Variants in SPATA22 observed in about 807,000 individuals in gnomAD.
The protein encoded by SPATA22 is spermatogenesis-associated protein 22.
Under a neutral mutation model 47.8 loss-of-function variants are expected in SPATA22, and 29 were observed. The ratio of observed to expected loss-of-function variants is 0.61; its 90% CI spans 0.45 to 0.83. The LOEUF is 0.83. Ranked by LOEUF, SPATA22 falls within the 40% of genes least tolerant of loss-of-function variation. The probability of loss-of-function intolerance (pLI) is 0.00; values close to 1 mark genes in which losing one functional copy is unlikely to be tolerated. For synonymous variants in SPATA22, 133 were observed against 140.9 expected (o/e 0.94, Z 0.40); for missense variants, 410 against 421.7 (o/e 0.97, Z 0.24).
At chr17:3,472,813 T>C (rs2073464272), upstream of SPATA22, among the ~76,000 whole-genome samples, 1 of 152,164 alleles carries the variant, frequency 6.6e-6, no homozygotes, top group Non-Finnish European at 1.5e-5. Context: ...TTTAAAACTA[T>C]CTCAAGTAAA....
At chr17:3,471,658 G>T (rs2073439080) in intron 1 of SPATA22, 24 bp downstream of exon 1, 1 of 983,948 alleles carries the variant, frequency 1.0e-6, no homozygotes, top group Non-Finnish European at 1.2e-6. Flanking sequence ...CCCACGGAGT[G>T]GGGGCAGTTT....
intron 1 of SPATA22, among the ~76,000 whole-genome samples, chr17:3,510,011 T>C (rs1280294388): frequency 1.3e-5 from 2 of 152,128 alleles, no homozygotes; most frequent in Non-Finnish European, 2.9e-5. Flanking sequence ...TTTGATGGGG[T>C]TGTTTTTTTC....
chr17:3,508,897 TAAAAAAAAAAAAAA>T (rs59201485), intron 1 of SPATA22, among the ~76,000 whole-genome samples: 135 of 113,000 alleles, frequency 1.2e-3, no homozygotes, highest in Non-Finnish European at 1.8e-3. Flanking sequence ...GCTTAAAGTA[TAAAAAAAAAAAAAA>T]AAAAAAAAAA....
intron 5 of SPATA22, among the ~76,000 whole-genome samples, chr17:3,460,073 C>T (rs1321034800): frequency 1.3e-5 from 2 of 152,200 alleles, no homozygotes; most frequent in African/African-American, 4.8e-5. Flanking sequence ...ATTCCACACA[C>T]AAGCACGTTA....
chr17:3,440,704 A>G (rs2150689801), intron 8 of SPATA22: 1 of 160,524 alleles, frequency 6.2e-6, no homozygotes, highest in Non-Finnish European at 1.4e-5. Flanking sequence ...GACAATTAGG[A>G]TAGCTGGATG....
At chr17:3,464,833 C>T (rs1194071309) in intron 3 of SPATA22, among the ~76,000 whole-genome samples, 2 of 138,132 alleles carry the variant, frequency 1.4e-5, no homozygotes, top group Non-Finnish European at 3.2e-5. Flanking sequence ...GCAGCCACCC[C>T]GTCTGGGAAG....
At chr17:3,494,707 C>T (rs539118128) in intron 1 of SPATA22, among the ~76,000 whole-genome samples, 21 of 152,154 alleles carry the variant, frequency 1.4e-4, no homozygotes, top group African/African-American at 4.8e-4. Flanking sequence ...TGTAGGTACA[C>T]AAAAGTCTAA....
chr17:3,449,481 T>C (rs916345467), intron 5 of SPATA22, among the ~76,000 whole-genome samples: 4 of 152,220 alleles, frequency 2.6e-5, no homozygotes, highest in Non-Finnish European at 5.9e-5. Context: ...CTTCATATGA[T>C]AGTAGTTGTA....
At chr17:3,509,260 C>T (rs1481848233) in intron 1 of SPATA22, among the ~76,000 whole-genome samples, 3 of 151,832 alleles carry the variant, frequency 2.0e-5, no homozygotes, top group Non-Finnish European at 4.4e-5. Context: ...CATAGGTATA[C>T]GTGTGCCATG....
intron 1 of SPATA22, among the ~76,000 whole-genome samples, chr17:3,495,898 T>G (rs1597447119): frequency 6.8e-6 from 1 of 146,584 alleles, no homozygotes. Flanking sequence ...AGGTAAAGAC[T>G]GGGGGAGAGA....
chr17:3,507,632 G>C (rs2074053153), intron 1 of SPATA22, among the ~76,000 whole-genome samples: 1 of 152,186 alleles, frequency 6.6e-6, no homozygotes, highest in Non-Finnish European at 1.5e-5. Flanking sequence ...CAGGAGAAAG[G>C]ATTGTGAACT....
At chr17:3,497,479 T>C (rs1265299585) in intron 1 of SPATA22, among the ~76,000 whole-genome samples, 2 of 152,196 alleles carry the variant, frequency 1.3e-5, no homozygotes, top group African/African-American at 4.8e-5. Context: ...TCAGAACTCA[T>C]AGAACTGCAC....
chr17:3,510,240 G>C (rs8067651), intron 1 of SPATA22, among the ~76,000 whole-genome samples: 144,120 of 152,252 alleles, frequency 0.95, 68,704 homozygotes, highest in East Asian at 1. Flanking sequence ...CTTCAAGCCC[G>C]TGAGTCTCCT....
chr17:3,497,398 G>A lies in SPATA22; in HGVS notation c.-74+16014C>T, dbSNP rs58686774. On this transcript the variant is annotated intron_variant, in intron 1 of 8. Coordinates refer to the SPATA22 transcript ENST00000541913. ...TATAAATGGGTAGCATGAGGGATTC[G>A]AGGAGGTGGCTGAAAGAAGCACGTA... 1.5e-3 allele frequency among the ~76,000 whole-genome samples: 227 copies of A among 152,290 alleles called. 2 individuals carry two copies. The East Asian group carries it at 0.033, about 22-fold the overall frequency.
In SPATA22 at chr17:3,481,849, A is replaced by G. The variant is rs1346181770; in HGVS notation, c.-73-12451T>C. On this transcript the variant is annotated intron_variant, in intron 1 of 8. Transcript: ENST00000541913. The stretch of plus-strand genomic sequence containing the variant: ...AGTTAGCAAAGGACTTGTACTTTTA[A>G]GTCAATTATGGATGTGAGACAATCA... 2.1e-6 allele frequency: 3 copies of G among 1,457,740 alleles called. No individual in the cohort carries two copies. The South Asian group carries it at 3.7e-5, about 18-fold the overall frequency. 90.3% of individuals were successfully genotyped at this position (1,457,740 alleles called of 1,614,324 possible).
At chr17:3,441,589 T>C (rs2072598644) in intron 8 of SPATA22, 1 of 152,090 alleles carries the variant, frequency 6.6e-6, no homozygotes, top group South Asian at 2.1e-4. Flanking sequence ...TTTGAAAAAT[T>C]CTTTGGCAAT....
intron 1 of SPATA22, among the ~76,000 whole-genome samples, chr17:3,503,905 C>T (rs2150768304): frequency 6.6e-6 from 1 of 152,250 alleles, no homozygotes; most frequent in Admixed American, 6.5e-5. Context: ...GTGCTTAGCA[C>T]AGAATACATA....
rs770281898 is a variant in SPATA22, at chr17:3,467,535, C to T, written c.63G>A (p.Leu21=). Residue 21 remains leucine, a synonymous_variant, in exon 3 of 9, where the codon TTG becomes TTA. Transcript: ENST00000572969. The stretch of plus-strand genomic sequence containing the variant: ...GTCTGTTCCTCTTTTTCTGATTGAA[C>T]AACGGAACAGGCAAACAGCCTAAAT... ...RSTAGCLPVP[L]FNQKKRNRQP... 3 of 1,606,780 alleles carry T rather than the reference C, an allele frequency of 1.9e-6. No homozygotes were observed. The South Asian group carries it at 3.4e-5, about 18-fold the overall frequency.
chr17:3,508,774 T>C (rs1330520726), intron 1 of SPATA22, among the ~76,000 whole-genome samples: 1 of 130,588 alleles, frequency 7.7e-6, no homozygotes, highest in African/African-American at 2.8e-5. Context: ...GGGGGAGGGA[T>C]AGCATTAGGA....
Sources: allele counts gnomAD v4.1 joint callset (sites outside exome capture counted in the v4.1 genomes callset), GRCh38; gene constraint gnomAD v4.1.1; transcripts MANE v1.5; gene names NCBI Gene and HGNC (gene_info 2026-07-23, HGNC 2026-07-21).